Variants in ARB2A observed in about 807,000 individuals in gnomAD.
ARB2A encodes the protein cotranscriptional regulator ARB2A.
chr5:93,802,671 T>C, the ARB2A span, among the ~76,000 whole-genome samples: 2 of 152,098 alleles, frequency 1.3e-5, no homozygotes, highest in Admixed American at 6.6e-5. Flanking sequence ...AGTTGCTCCA[T>C]CTTTAAAAGG....
chr5:93,831,384 T>C, the ARB2A span, among the ~76,000 whole-genome samples: 1 of 151,432 alleles, frequency 6.6e-6, no homozygotes, highest in East Asian at 1.9e-4. Flanking sequence ...TCTCTAAAAC[T>C]ATCTTTCTAG....
At chr5:93,722,682 A>G in the ARB2A span, among the ~76,000 whole-genome samples, 1 of 152,294 alleles carries the variant, frequency 6.6e-6, no homozygotes, top group Non-Finnish European at 1.5e-5. Flanking sequence ...GAAGGAAGCC[A>G]AAGCCAGATA....
At chr5:93,903,549 T>G in the ARB2A span, among the ~76,000 whole-genome samples, 2 of 151,992 alleles carry the variant, frequency 1.3e-5, no homozygotes, top group Non-Finnish European at 2.9e-5. Context: ...TATTTTTCAG[T>G]AAATATGGTG....
chr5:94,013,133 AG>A, the ARB2A span, among the ~76,000 whole-genome samples: 1 of 149,448 alleles, frequency 6.7e-6, no homozygotes, highest in Non-Finnish European at 1.5e-5. Context: ...GATTTCAACC[AG>A]TTTTTAAATC....
chr5:94,046,013 A>T, the ARB2A span, among the ~76,000 whole-genome samples: 1 of 152,204 alleles, frequency 6.6e-6, no homozygotes, highest in Non-Finnish European at 1.5e-5. Flanking sequence ...ATTTGAGCCA[A>T]AACAGGAAGA....
At chr5:93,647,979 C>T in the ARB2A span, among the ~76,000 whole-genome samples, 1 of 151,916 alleles carries the variant, frequency 6.6e-6, no homozygotes, top group Non-Finnish European at 1.5e-5. Context: ...CACATCTCTA[C>T]AAAATATACA....
the ARB2A span, chr5:93,619,476 C>A: frequency 6.6e-6 from 1 of 152,036 alleles, no homozygotes; most frequent in African/African-American, 2.4e-5. Flanking sequence ...CATTTAAGCA[C>A]GAAGTGGTTG....
chr5:93,951,335 C>T, the ARB2A span, among the ~76,000 whole-genome samples: 8 of 152,054 alleles, frequency 5.3e-5, no homozygotes, highest in Non-Finnish European at 8.8e-5. Context: ...TGATTTGAGG[C>T]GATCCCGTTT....
At chr5:93,964,320 G>A in the ARB2A span, 19 of 577,312 alleles carry the variant, frequency 3.3e-5, no homozygotes, top group East Asian at 6.2e-5. Flanking sequence ...TAAAATTATC[G>A]CTATCAACAC....
At chr5:93,767,961 T>A in the ARB2A span, among the ~76,000 whole-genome samples, 1 of 112,212 alleles carries the variant, frequency 8.9e-6, no homozygotes, top group African/African-American at 3.5e-5. Flanking sequence ...GCCATTGCAC[T>A]CCAGCCTGGG....
the ARB2A span, among the ~76,000 whole-genome samples, chr5:93,984,740 T>C: frequency 1.3e-5 from 2 of 152,318 alleles, no homozygotes; most frequent in Non-Finnish European, 2.9e-5. Flanking sequence ...ATAAGAATTA[T>C]ATCCTACTTC....
At chr5:93,965,008 C>T in the ARB2A span, among the ~76,000 whole-genome samples, 1 of 152,008 alleles carries the variant, frequency 6.6e-6, no homozygotes, top group Non-Finnish European at 1.5e-5. Flanking sequence ...AGTAACACTG[C>T]TTATGCTAGG....
chr5:93,710,614 A>C, the ARB2A span, among the ~76,000 whole-genome samples: 3 of 152,216 alleles, frequency 2.0e-5, no homozygotes, highest in Non-Finnish European at 4.4e-5. Flanking sequence ...GGTAACTAGA[A>C]TTTAACCAGA....
the ARB2A span, among the ~76,000 whole-genome samples, chr5:93,857,493 G>A: frequency 3.0e-4 from 45 of 152,214 alleles, no homozygotes; most frequent in Middle Eastern, 6.8e-3. Flanking sequence ...GCAATGGTGG[G>A]CGCCCCTCCC....
chr5:93,843,571 G>A, the ARB2A span, among the ~76,000 whole-genome samples: 9 of 151,778 alleles, frequency 5.9e-5, no homozygotes, highest in African/African-American at 2.2e-4. Flanking sequence ...CTACAGACAC[G>A]TGCCACCATG....
At chr5:93,630,662 G>A in the ARB2A span, among the ~76,000 whole-genome samples, 1 of 152,148 alleles carries the variant, frequency 6.6e-6, no homozygotes, top group Non-Finnish European at 1.5e-5. Flanking sequence ...ATTCAGGGAA[G>A]ACGGGTGCGG....
the ARB2A span, among the ~76,000 whole-genome samples, chr5:93,856,911 T>A: frequency 6.6e-6 from 1 of 151,938 alleles, no homozygotes; most frequent in African/African-American, 2.4e-5. Flanking sequence ...ATCTTTGTGG[T>A]TTTATCTACT....
At chr5:93,638,778 G>A in the ARB2A span, among the ~76,000 whole-genome samples, 3 of 152,010 alleles carry the variant, frequency 2.0e-5, no homozygotes, top group Non-Finnish European at 4.4e-5. Context: ...GCGATGAGCC[G>A]AGATTGCACC....
At chr5:93,674,043 G>T in the ARB2A span, among the ~76,000 whole-genome samples, 1 of 152,098 alleles carries the variant, frequency 6.6e-6, no homozygotes, top group Non-Finnish European at 1.5e-5. Flanking sequence ...ATCTTAAGGA[G>T]TCTAATCGGA....
Sources: gnomAD v4.1 joint callset for allele counts (sites outside exome capture counted in the v4.1 genomes callset) on GRCh38, gnomAD v4.1.1 for gene constraint, MANE v1.5 for transcripts, NCBI Gene and HGNC (gene_info 2026-07-23, HGNC 2026-07-21) for gene names.